The following ROCK1 variants were observed in gnomAD, a reference collection of about 807,000 sequenced individuals.
ROCK1 encodes the protein rho-associated protein kinase 1.
A neutral mutation model predicts 196.8 loss-of-function variants in ROCK1; 36 were observed. The observed-to-expected ratio is 0.18, with a 90% CI of 0.14 to 0.24. ROCK1 has a LOEUF of 0.24. ROCK1 is among the 10% of genes least tolerant of loss of function. ROCK1 has a pLI of 1.00. For synonymous variants in ROCK1, 443 were observed against 515.9 expected (o/e 0.86, Z 1.91); for missense variants, 920 against 1,562.0 (o/e 0.59, Z 6.93).
chr18:20,959,590 C>G (rs1271345198), intron 29 of ROCK1, among the ~76,000 whole-genome samples: 1 of 150,868 alleles, frequency 6.6e-6, no homozygotes, highest in African/African-American at 2.4e-5. Flanking sequence ...TTGAAATGCT[C>G]TCTGAACTCA....
intron 11 of ROCK1, among the ~76,000 whole-genome samples, chr18:21,023,209 C>T (rs371186891): frequency 1.3e-5 from 2 of 151,942 alleles, no homozygotes; most frequent in South Asian, 2.1e-4. Flanking sequence ...TTAATGCCAC[C>T]GAACTGCACA....
In ROCK1 at chr18:21,107,782, G is replaced by A. The variant is rs928791388; in HGVS notation, c.93+3036C>T. 5.9e-5 allele frequency among the ~76,000 whole-genome samples: 9 copies of A among 152,198 alleles called. 1 individual carries two copies. Among genetic ancestry groups the A allele is most frequent in the South Asian group, 4.1e-4 (2 of 4,832 alleles). The stretch of plus-strand genomic sequence containing the variant: ...GGAAATTCAGTCTTGGGCCAGGCAC[G>A]GTGGCTCACGCCTGTAATCCCAGTA... On this transcript the variant is annotated intron_variant, in intron 1 of 32. Coordinates refer to ENST00000399799, the MANE Select transcript of ROCK1 (RefSeq NM_005406.3).
chr18:20,995,623 C>A (rs1338342572), intron 16 of ROCK1, among the ~76,000 whole-genome samples: 2 of 152,160 alleles, frequency 1.3e-5, no homozygotes, highest in African/African-American at 4.8e-5. Context: ...GGCTTCAGGT[C>A]TGACCCAGCA....
chr18:21,042,234 A>C lies in ROCK1; in HGVS notation c.822T>G (p.Gly274=). The change falls in exon 8 of 33, where the codon GGT becomes GGG. Residue 274 remains glycine (G), a splice_region_variant and synonymous_variant. Coordinates refer to ENST00000399799, the MANE Select transcript of ROCK1 (RefSeq NM_005406.3). The part of the protein sequence containing the change: ...VGVFLYEMLV[G]DTPFYADSLV... ...AAGAATCTGCATAAAAAGGTGTATC[A>C]CCTGAAAAATTGATAAAGAAAACAA... 1 of 1,561,544 alleles carries C rather than the reference A, an allele frequency of 6.4e-7. No individual in the cohort carries two copies. The highest frequency in any genetic ancestry group is 1.4e-5 in the African/African-American group (1 of 71,958).
intron 13 of ROCK1, among the ~76,000 whole-genome samples, chr18:21,011,141 ATTCCATTTAAT>A (rs1034131091): frequency 6.6e-6 from 1 of 152,160 alleles, no homozygotes. Flanking sequence ...TTTGATTGGT[ATTCCATTTAAT>A]TTCCATTTAA....
intron 2 of ROCK1, among the ~76,000 whole-genome samples, chr18:21,054,557 C>T (rs2036231354): frequency 6.6e-6 from 1 of 152,042 alleles, no homozygotes; most frequent in Non-Finnish European, 1.5e-5. Flanking sequence ...CCTAAATCTG[C>T]TAGCTTTGAT....
At chr18:21,104,446 A>C (rs1179830557) in intron 1 of ROCK1, among the ~76,000 whole-genome samples, 1 of 151,978 alleles carries the variant, frequency 6.6e-6, no homozygotes, top group Non-Finnish European at 1.5e-5. Flanking sequence ...AAATACAAAA[A>C]ATTAGCCGGG....
Position 20,949,915 on chromosome 18 carries a change from CAG to C in ROCK1, c.*1467_*1468del, listed in dbSNP as rs1337241337. On this transcript the variant is annotated 3_prime_UTR_variant, in exon 33 of 33. Coordinates refer to ENST00000399799, the MANE Select transcript of ROCK1 (RefSeq NM_005406.3). ...ACTTTTATTTCTCATTAAATGAGCA[CAG>C]AGTCATTAGTATATTAATAACAGAT... The C allele has an allele frequency of 3.3e-5, 5 of 152,648 alleles. No homozygotes were observed. Among genetic ancestry groups the C allele is most frequent in the Non-Finnish European group, 7.3e-5 (5 of 68,046 alleles). 9.5% of individuals were successfully genotyped at this position (152,648 alleles called of 1,614,324 possible).
chr18:21,029,347 A>G (rs1378301924), intron 9 of ROCK1, among the ~76,000 whole-genome samples: 1 of 152,162 alleles, frequency 6.6e-6, no homozygotes, highest in Non-Finnish European at 1.5e-5. Flanking sequence ...TTTTTGGTTA[A>G]TCTGCTGTAT....
chr18:21,095,823 T>C (rs1192575905), intron 1 of ROCK1, among the ~76,000 whole-genome samples: 1 of 152,074 alleles, frequency 6.6e-6, no homozygotes, highest in Non-Finnish European at 1.5e-5. Flanking sequence ...TAATCATATA[T>C]TTTTAAATAA....
At chr18:21,073,476 T>A (rs2036404957) in intron 1 of ROCK1, among the ~76,000 whole-genome samples, 1 of 152,184 alleles carries the variant, frequency 6.6e-6, no homozygotes, top group South Asian at 2.1e-4. Context: ...GTTTTCTGGA[T>A]AAATCTGAAT....
intron 1 of ROCK1, among the ~76,000 whole-genome samples, chr18:21,094,772 C>T (rs939007199): frequency 1.4e-5 from 2 of 147,070 alleles, no homozygotes; most frequent in African/African-American, 5.1e-5. Flanking sequence ...GATGGCCAGG[C>T]GCGGTGGCTC....
At chr18:20,958,512 T>C (rs1270778083) in intron 29 of ROCK1, among the ~76,000 whole-genome samples, 1 of 151,950 alleles carries the variant, frequency 6.6e-6, no homozygotes. Flanking sequence ...AAGAAAAGAT[T>C]TTAGAATGAA....
chr18:21,014,814 G>A (rs1254686650), intron 13 of ROCK1, among the ~76,000 whole-genome samples: 6 of 152,168 alleles, frequency 3.9e-5, no homozygotes, highest in Non-Finnish European at 8.8e-5. Flanking sequence ...AATGTATTAG[G>A]AGAAGACTAC....
At position 21,098,690 on chromosome 18, in the gene ROCK1, A is replaced by G. The variant is rs193118609; in HGVS notation, c.93+12128T>C. Among the ~76,000 whole-genome samples the G allele has an allele frequency of 6.4e-4, 97 of 152,190 alleles. No individual in the cohort carries two copies. The Middle Eastern group carries it at 0.014, about 21-fold the overall frequency. ...CAGAAAAAGGGCTAAGCTCCCTAAT[A>G]CATAAAGAGCTTCTAAAAACTGAGA... On this transcript the variant is annotated intron_variant, in intron 1 of 32. Transcript: ENST00000399799.
intron 9 of ROCK1, among the ~76,000 whole-genome samples, chr18:21,032,742 G>A (rs1316213033): frequency 1.4e-5 from 2 of 147,436 alleles, no homozygotes; most frequent in Non-Finnish European, 3.0e-5. Context: ...GGCTGATCTC[G>A]AACTCCTGGC....
rs377650197 is a variant in ROCK1, at chr18:21,110,954, G to T, written c.-44C>A. 4.6e-6 allele frequency: 7 copies of T among 1,526,954 alleles called. No individual in the cohort carries two copies. In the African/African-American group the frequency reaches 9.6e-5, roughly 21 times the overall value. The allele number at this position is 1,526,954 out of a possible 1,614,324, so 94.6% of individuals were successfully genotyped here. On this transcript the variant is annotated 5_prime_UTR_variant, in exon 1 of 33. Coordinates refer to ENST00000399799, the MANE Select transcript of ROCK1 (RefSeq NM_005406.3). ...ATGCCCTCTTACCAGCACCAGCAGC[G>T]GAAAGCAATTTCAACCAACTTCCTC...
intron 27 of ROCK1, 103 bp downstream of exon 27, chr18:20,966,814 A>G: frequency 1.1e-6 from 1 of 874,172 alleles, no homozygotes. Context: ...CTTCTTAGGA[A>G]TCCATGGACA....
chr18:21,039,027 T>C (rs1262809991), intron 9 of ROCK1, among the ~76,000 whole-genome samples: 1 of 152,174 alleles, frequency 6.6e-6, no homozygotes, highest in African/African-American at 2.4e-5. Flanking sequence ...TCCTATAAAC[T>C]CATAAATAAA....
Sources: allele counts gnomAD v4.1 joint callset (sites outside exome capture counted in the v4.1 genomes callset), GRCh38; gene constraint gnomAD v4.1.1; transcripts MANE v1.5; gene names NCBI Gene and HGNC (gene_info 2026-07-23, HGNC 2026-07-21).